Variants in FHDC1 observed in about 807,000 individuals in gnomAD.
FHDC1 encodes FH2 domain containing 1.
A neutral mutation model predicts 52.6 loss-of-function variants in FHDC1; 25 were observed. The ratio of observed to expected loss-of-function variants is 0.48; its 90% CI spans 0.35 to 0.66. The LOEUF (loss-of-function observed/expected upper bound fraction) is 0.66, where lower values mean the gene tolerates loss of function less well. Among genes scored for constraint, FHDC1 ranks in the 30% least tolerant of loss-of-function variants. The probability of loss-of-function intolerance (pLI) is 0.01; values close to 1 mark genes in which losing one functional copy is unlikely to be tolerated. For missense variants in FHDC1, 1,459 were observed against 1,452.8 expected (o/e 1.00, Z -0.07); for synonymous variants, 616 against 581.5 (o/e 1.06, Z -0.85).
chr4:152,953,950 CAA>C (rs1480813269), intron 3 of FHDC1, among the ~76,000 whole-genome samples: 1 of 152,214 alleles, frequency 6.6e-6, no homozygotes, highest in East Asian at 1.9e-4. Context: ...TTTCTCACAA[CAA>C]AAGAGACTCC....
chr4:152,957,958 G>GC (rs1449554500), intron 4 of FHDC1, among the ~76,000 whole-genome samples: 2 of 152,302 alleles, frequency 1.3e-5, no homozygotes, highest in Admixed American at 1.3e-4. Flanking sequence ...TCTGTTGTGG[G>GC]CTGGTGCTAG....
chr4:152,947,232 GAAAA>G (rs1240000645), intron 2 of FHDC1, among the ~76,000 whole-genome samples: 2 of 147,658 alleles, frequency 1.4e-5, no homozygotes, highest in African/African-American at 5.0e-5. Context: ...AAAAAAAAAA[GAAAA>G]AAAGACATTT....
chr4:152,952,584 A>G (rs750779231), intron 2 of FHDC1, among the ~76,000 whole-genome samples: 2 of 152,234 alleles, frequency 1.3e-5, no homozygotes, highest in Non-Finnish European at 2.9e-5. Flanking sequence ...CCCCTTACAT[A>G]ACATAATTTA....
intron 2 of FHDC1, among the ~76,000 whole-genome samples, chr4:152,950,613 T>G (rs1739896697): frequency 6.6e-6 from 1 of 152,226 alleles, no homozygotes; most frequent in South Asian, 2.1e-4. Context: ...GGGCTGCTCC[T>G]GTAGGGCCAG....
the FHDC1 span, among the ~76,000 whole-genome samples, chr4:152,918,154 G>A: frequency 1.3e-5 from 2 of 152,148 alleles, no homozygotes; most frequent in Admixed American, 1.3e-4. Context: ...CACTATTTAT[G>A]CTTATGACTA....
intron 6 of FHDC1, among the ~76,000 whole-genome samples, 169 bp from the exon 7 acceptor site, chr4:152,962,645 G>T (rs929815092): frequency 3.3e-5 from 5 of 152,214 alleles, no homozygotes; most frequent in Non-Finnish European, 5.9e-5. Context: ...AGCAAATGAT[G>T]TGTTAGGTAT....
chr4:152,924,453 G>C, the FHDC1 span, among the ~76,000 whole-genome samples: 9 of 152,138 alleles, frequency 5.9e-5, no homozygotes, highest in African/African-American at 1.9e-4. Context: ...TCAGTGTGGC[G>C]ATTCCTCAGG....
the FHDC1 span, among the ~76,000 whole-genome samples, chr4:152,930,991 ACACACACTCTCT>A: frequency 7.7e-3 from 1,125 of 145,910 alleles, 16 homozygotes; most frequent in African/African-American, 0.028. Flanking sequence ...ACACACACAC[ACACACACTCTCT>A]CTCTCTCTCT....
the FHDC1 span, among the ~76,000 whole-genome samples, chr4:152,915,802 A>G: frequency 5.9e-5 from 9 of 152,204 alleles, no homozygotes; most frequent in Admixed American, 5.9e-4. Context: ...ATACCAAAGT[A>G]TTACCCTACA....
At chr4:152,942,785 T>C in intron 1 of FHDC1, 143 bp from the exon 2 acceptor site, 1 of 401,030 alleles carries the variant, frequency 2.5e-6, no homozygotes, top group South Asian at 7.1e-5. Context: ...CGTTGGGTCC[T>C]TGTAATGCAA....
intron 9 of FHDC1, among the ~76,000 whole-genome samples, chr4:152,965,702 C>T (rs768998460): frequency 3.9e-5 from 6 of 152,122 alleles, no homozygotes; most frequent in Non-Finnish European, 8.8e-5. Flanking sequence ...TTGTAAATAC[C>T]GTAACCATGG....
At chr4:152,932,273 C>T (rs1008450868), upstream of FHDC1, among the ~76,000 whole-genome samples, 5 of 151,846 alleles carry the variant, frequency 3.3e-5, no homozygotes, top group Non-Finnish European at 4.4e-5. Flanking sequence ...TATTATTTTT[C>T]AGTTCAAAAG....
the FHDC1 span, chr4:152,927,928 C>A: frequency 1.3e-5 from 19 of 1,447,496 alleles, no homozygotes; most frequent in Admixed American, 2.7e-4. Flanking sequence ...AGCGTAAGAG[C>A]TCAGAGAGTG....
At chr4:152,966,328 A>G (rs553708144) in intron 9 of FHDC1, among the ~76,000 whole-genome samples, 1 of 152,324 alleles carries the variant, frequency 6.6e-6, no homozygotes, top group South Asian at 2.1e-4. Flanking sequence ...GAAGGTGGAA[A>G]ACTTTATTGC....
chr4:152,927,516 G>A, the FHDC1 span: 1 of 1,115,348 alleles, frequency 9.0e-7, no homozygotes, highest in South Asian at 1.2e-5. Context: ...CTAGATGAAT[G>A]GTGCAAAAGG....
the FHDC1 span, among the ~76,000 whole-genome samples, chr4:152,925,273 A>G: frequency 6.6e-6 from 1 of 152,178 alleles, no homozygotes; most frequent in East Asian, 1.9e-4. Flanking sequence ...GCAATGAAAC[A>G]TATGACACAT....
At chr4:152,968,534 G>A in intron 10 of FHDC1, among the ~76,000 whole-genome samples, 1 of 152,106 alleles carries the variant, frequency 6.6e-6, no homozygotes. Flanking sequence ...TTGCCATGTT[G>A]GCCAGGCTGC....
Position 152,958,853 on chromosome 4 carries a change from T to TA in FHDC1, c.664-1712_664-1711insA, listed in dbSNP as rs1740189508. Among the ~76,000 whole-genome samples, 3 of 152,218 alleles carry TA rather than the reference T, an allele frequency of 2.0e-5. No homozygotes were observed. The South Asian group carries it at 6.2e-4, about 32-fold the overall frequency. On this transcript the variant is annotated intron_variant, in intron 4 of 11. Transcript: ENST00000511601. ...TAAGGCTAAAAATGGTCAATTCACT[T>TA]TGAGGCTCTACCAGTAAGGGAAATG...
At chr4:152,929,180 G>A in the FHDC1 span, among the ~76,000 whole-genome samples, 1 of 152,088 alleles carries the variant, frequency 6.6e-6, no homozygotes, top group Middle Eastern at 3.2e-3. This position sits in a 1 kb window ranked among gnomAD's most constrained non-coding sequence, Gnocchi z 4.1. Flanking sequence ...GCACAGAGGG[G>A]CTTCCAGGTC....
Sources: allele counts gnomAD v4.1 joint callset (sites outside exome capture counted in the v4.1 genomes callset), GRCh38; gene constraint gnomAD v4.1.1; non-coding constraint Gnocchi (gnomAD v3.1); transcripts MANE v1.5; gene names NCBI Gene and HGNC (gene_info 2026-07-23, HGNC 2026-07-21).